Variants in INPP5A observed in about 807,000 individuals in gnomAD.
INPP5A encodes inositol polyphosphate-5-phosphatase A, also known as 43 kDa inositol polyphosphate 5-phophatase.
In INPP5A, 14 loss-of-function variants were observed where a neutral mutation model predicts 65.2. The observed-to-expected ratio is 0.21, with a 90% CI of 0.14 to 0.34. The LOEUF is 0.34. INPP5A is among the 10% of genes least tolerant of loss of function. The pLI is 1.00. For synonymous variants in INPP5A, 207 were observed against 208.3 expected, an observed-to-expected ratio of 0.99 and a Z score of 0.05; for missense variants, 431 against 545.6, an observed-to-expected ratio of 0.79 and a Z score of 2.09.
chr10:132,638,607 A>T (rs1443449993), intron 2 of INPP5A, among the ~76,000 whole-genome samples: 1 of 152,106 alleles, frequency 6.6e-6, no homozygotes, highest in Non-Finnish European at 1.5e-5. Flanking sequence ...TCGCTCTGTC[A>T]CCCAGGCTGG....
intron 4 of INPP5A, among the ~76,000 whole-genome samples, chr10:132,660,612 G>T (rs1200795271): frequency 1.3e-5 from 2 of 149,706 alleles, no homozygotes; most frequent in East Asian, 3.8e-4. Flanking sequence ...TGTCTGAGCA[G>T]AGGCTCTGGT....
Position 132,564,188 on chromosome 10 carries a change from C to T in INPP5A, c.75+26017C>T, listed in dbSNP as rs867025466. ...TCTCGGCTTGTTTGGGGAAATGTGG[C>T]GTGCGCGTTGTGGGTATGGCCACCG... On this transcript the variant is annotated intron_variant, in intron 1 of 15. Transcript: ENST00000368594. 5.1e-4 allele frequency among the ~76,000 whole-genome samples: 78 copies of T among 152,116 alleles called. 1 individual carries two copies. The highest frequency in any genetic ancestry group is 5.1e-3 in the Admixed American group (78 of 15,288).
chr10:132,660,355 A>G (rs1413607686), intron 4 of INPP5A, among the ~76,000 whole-genome samples: 1 of 152,236 alleles, frequency 6.6e-6, no homozygotes, highest in Admixed American at 6.5e-5. Flanking sequence ...TCTGGGAACT[A>G]GAAGACTGAA....
intron 2 of INPP5A, among the ~76,000 whole-genome samples, chr10:132,645,513 G>A (rs1410691912): frequency 6.6e-6 from 1 of 152,246 alleles, no homozygotes; most frequent in South Asian, 2.1e-4. Flanking sequence ...TTCCTGGTGA[G>A]ATTGTGACCA....
In INPP5A at chr10:132,547,456, G is replaced by A. The variant is rs1222751723; in HGVS notation, c.75+9285G>A. Among the ~76,000 whole-genome samples, 2 of 152,200 alleles carry A rather than the reference G, an allele frequency of 1.3e-5. No homozygotes were observed. Among genetic ancestry groups the A allele is most frequent in the South Asian group, 2.1e-4 (1 of 4,832 alleles). On this transcript the variant is annotated intron_variant, in intron 1 of 15. Transcript: ENST00000368594. This position sits in a 1 kb window ranked among gnomAD's most constrained non-coding sequence, Gnocchi z 5.5. ...CAGTGCACTCGGCTGCCTAGGTGGT[G>A]TGAGGTTCTGTGAGCCCGGGCCCAG...
chr10:132,645,828 C>A, intron 2 of INPP5A, 40 bp from the exon 3 acceptor site: 1 of 1,494,330 alleles, frequency 6.7e-7, no homozygotes, highest in Middle Eastern at 1.9e-4. Context: ...GCTCTGTGGA[C>A]GGCTCCGACG....
At chr10:132,573,082 G>A (rs1221739350) in intron 1 of INPP5A, among the ~76,000 whole-genome samples, 6 of 146,362 alleles carry the variant, frequency 4.1e-5, no homozygotes, top group Admixed American at 6.8e-5. Context: ...GGGTGTGTGT[G>A]CTGTGTGAGG....
intron 2 of INPP5A, among the ~76,000 whole-genome samples, chr10:132,617,080 G>T (rs1239682925): frequency 6.6e-6 from 1 of 152,116 alleles, no homozygotes; most frequent in Non-Finnish European, 1.5e-5. Context: ...GATTCTGCAG[G>T]CTCTCTCTCC....
rs192465837 is a variant in INPP5A, at chr10:132,706,891, C to T, written c.475-1422C>T. On this transcript the variant is annotated intron_variant, in intron 6 of 15. Coordinates refer to ENST00000368594, the MANE Select transcript of INPP5A (RefSeq NM_005539.5). This position sits in a 1 kb window ranked among gnomAD's most constrained non-coding sequence, Gnocchi z 4.7. ...TGCCAGGTGCCGCCAACAGGCCAGG[C>T]GAGATGAAGGGCGAGTGTCTGTAGG... Among the ~76,000 whole-genome samples the T allele has an allele frequency of 3.1e-4, 47 of 152,226 alleles. No homozygotes were observed. The highest frequency in any genetic ancestry group is 6.2e-4 in the South Asian group (3 of 4,806).
In INPP5A at chr10:132,651,605, C is replaced by T. The variant is rs1040174059; in HGVS notation, c.306+1100C>T. Among the ~76,000 whole-genome samples the T allele has an allele frequency of 3.3e-5, 5 of 152,324 alleles. No individual in the cohort carries two copies. The highest frequency in any genetic ancestry group is 1.3e-4 in the Admixed American group (2 of 15,312). On this transcript the variant is annotated intron_variant, in intron 4 of 15. Coordinates refer to ENST00000368594, the MANE Select transcript of INPP5A (RefSeq NM_005539.5). This position sits in a 1 kb window ranked among gnomAD's most constrained non-coding sequence, Gnocchi z 5.0. ...CATCAGCGCCCACTAGCCGTCATTG[C>T]GCCGTCACGTGACAGGCCCTTGTTA...
At chr10:132,573,041 A>G (rs1408399656) in intron 1 of INPP5A, among the ~76,000 whole-genome samples, 46 of 78,448 alleles carry the variant, frequency 5.9e-4, no homozygotes, top group African/African-American at 1.2e-3. Flanking sequence ...GTTGGGGTGT[A>G]CGTGCCGTGT....
chr10:132,629,668 T>C (rs1173711564), intron 2 of INPP5A, among the ~76,000 whole-genome samples: 1 of 152,226 alleles, frequency 6.6e-6, no homozygotes, highest in African/African-American at 2.4e-5. Context: ...AGCCCTGTGC[T>C]GCGGCAGTTC....
intron 9 of INPP5A, among the ~76,000 whole-genome samples, chr10:132,736,718 T>C (rs115063833): frequency 0.01 from 1,531 of 152,328 alleles, 37 homozygotes; most frequent in African/African-American, 0.035. Context: ...CCTCAGACAT[T>C]CCTGGCGCCC....
chr10:132,726,942 C>G (rs1564986375), intron 9 of INPP5A, 37 bp downstream of exon 9: 1 of 1,481,108 alleles, frequency 6.8e-7, no homozygotes. Flanking sequence ...GGTCTCATGC[C>G]TTGCTCTGTG....
chr10:132,743,839 C>T (rs1228444124), intron 9 of INPP5A, among the ~76,000 whole-genome samples: 1 of 151,936 alleles, frequency 6.6e-6, no homozygotes, highest in East Asian at 1.9e-4. Flanking sequence ...CCTCCAAGGC[C>T]GGCCCCGGGG....
chr10:132,732,724 G>C (rs563347827), intron 9 of INPP5A, among the ~76,000 whole-genome samples: 1 of 152,280 alleles, frequency 6.6e-6, no homozygotes, highest in South Asian at 2.1e-4. Context: ...GTATCCCCAG[G>C]GTCACCTGCG....
At chr10:132,605,890 T>G (rs1484573647) in intron 1 of INPP5A, among the ~76,000 whole-genome samples, 1 of 152,228 alleles carries the variant, frequency 6.6e-6, no homozygotes, top group African/African-American at 2.4e-5. Context: ...TCATAAACAG[T>G]CAGCAAACAC....
intron 2 of INPP5A, among the ~76,000 whole-genome samples, chr10:132,624,131 A>G (rs866986086): frequency 6.9e-6 from 1 of 145,228 alleles, no homozygotes; most frequent in Non-Finnish European, 1.5e-5. Context: ...ACGTGTGGCC[A>G]CCCCCTGACC....
Position 132,645,862 on chromosome 10 carries a change from C to T in INPP5A, c.118-6C>T. ...CGACCCTGACAGTGTGCTTCTCTCC[C>T]TCCAGGTCGTGCACACACACAAGCC... On this transcript the variant is annotated splice_region_variant and splice_polypyrimidine_tract_variant and intron_variant, in intron 2 of 15. Transcript: ENST00000368594. 6.2e-7 allele frequency: 1 copy of T among 1,610,408 alleles called. No individual in the cohort carries two copies. The highest frequency in any genetic ancestry group is 8.5e-7 in the Non-Finnish European group (1 of 1,177,434).
Sources: gnomAD v4.1 joint callset for allele counts (sites outside exome capture counted in the v4.1 genomes callset) on GRCh38, gnomAD v4.1.1 for gene constraint, Gnocchi (gnomAD v3.1) non-coding constraint, MANE v1.5 for transcripts, NCBI Gene and HGNC (gene_info 2026-07-23, HGNC 2026-07-21) for gene names.